Variants in ARHGAP26 observed in about 807,000 individuals in gnomAD.
ARHGAP26 encodes the protein rho GTPase-activating protein 26.
In ARHGAP26, 38 loss-of-function variants were observed where a neutral mutation model predicts 104.8. The ratio of observed to expected loss-of-function variants is 0.36; its 90% confidence interval spans 0.28 to 0.48. The LOEUF (loss-of-function observed/expected upper bound fraction) is 0.48, where lower values mean the gene tolerates loss of function less well. Among genes scored for constraint, ARHGAP26 ranks in the 20% least tolerant of loss-of-function variants. The pLI, the probability that ARHGAP26 is intolerant of heterozygous loss-of-function variation, is 0.99. For missense variants in ARHGAP26, 704 were observed against 947.9 expected, an observed-to-expected ratio of 0.74 and a Z score of 3.38; for synonymous variants, 341 against 340.0, an observed-to-expected ratio of 1.00 and a Z score of -0.03.
At chr5:142,782,037 A>G (rs541491830) in intron 1 of ARHGAP26, among the ~76,000 whole-genome samples, 3 of 152,292 alleles carry the variant, frequency 2.0e-5, no homozygotes, top group East Asian at 3.9e-4. Flanking sequence ...TTTTGAGAGT[A>G]GATGATCAGG....
chr5:143,057,877 A>G (rs1368511631), intron 17 of ARHGAP26, 130 bp downstream of exon 17: 2 of 816,804 alleles, frequency 2.4e-6, no homozygotes, highest in Non-Finnish European at 4.2e-6. Flanking sequence ...AGGCTTAGGA[A>G]AGAAATGTGT....
rs1785742144 is a variant in ARHGAP26, at chr5:143,055,927, T to TC, written c.1374-100dup. On this transcript the variant is annotated intron_variant, in intron 15 of 22. Transcript: ENST00000645722. ...TATTGTTTCCCTGTGATCTTTGTCT[T>TC]CGAGAAATGTATTACAGTTTGTCAG... 3.1e-5 allele frequency: 24 copies of TC among 766,892 alleles called. 2 individuals are homozygous for TC. In the South Asian group the frequency reaches 4.7e-4, roughly 15 times the overall value. The allele number at this position is 766,892 out of a possible 1,614,324, so 47.5% of individuals were successfully genotyped here. A position where few individuals can be genotyped will look rare whatever the true frequency, so the allele number is the denominator to read the frequency against.
At chr5:142,864,716 C>T (rs1169980168) in intron 1 of ARHGAP26, among the ~76,000 whole-genome samples, 1 of 152,236 alleles carries the variant, frequency 6.6e-6, no homozygotes, top group Admixed American at 6.5e-5. Context: ...GGGCCGGGGG[C>T]ATCCCTGTCC....
intron 15 of ARHGAP26, among the ~76,000 whole-genome samples, chr5:143,055,670 G>C (rs186690698): frequency 6.6e-6 from 1 of 152,324 alleles, no homozygotes; most frequent in African/African-American, 2.4e-5. Flanking sequence ...GGAAGATCAA[G>C]ACTTGCAAAT....
chr5:143,216,046 T>C, intron 22 of ARHGAP26: 1 of 387,228 alleles, frequency 2.6e-6, no homozygotes, highest in South Asian at 1.9e-5. Flanking sequence ...CACAAAGAAG[T>C]TGCACCATTT....
chr5:142,894,052 A>G (rs896696521), intron 5 of ARHGAP26, among the ~76,000 whole-genome samples, 186 bp from the exon 6 acceptor site: 2 of 151,642 alleles, frequency 1.3e-5, no homozygotes, highest in Admixed American at 6.6e-5. Context: ...TTTAAGTTGT[A>G]TAATATGATG....
chr5:142,889,389 G>C (rs1758170242), intron 5 of ARHGAP26, among the ~76,000 whole-genome samples: 1 of 152,222 alleles, frequency 6.6e-6, no homozygotes, highest in South Asian at 2.1e-4. Flanking sequence ...AAGGCGGGTG[G>C]ATCACTTGAG....
chr5:143,091,789 G>A (rs1159359046), intron 17 of ARHGAP26, among the ~76,000 whole-genome samples: 1 of 152,152 alleles, frequency 6.6e-6, no homozygotes, highest in African/African-American at 2.4e-5. Flanking sequence ...TTAATATCCA[G>A]TTCACGGAAA....
At chr5:143,000,657 G>T (rs920106156) in intron 11 of ARHGAP26, among the ~76,000 whole-genome samples, 2 of 152,156 alleles carry the variant, frequency 1.3e-5, no homozygotes, top group Admixed American at 1.3e-4. Context: ...GCTGGATAAA[G>T]AAAATGGGGC....
intron 1 of ARHGAP26, among the ~76,000 whole-genome samples, chr5:142,786,888 G>A (rs1478410491): frequency 1.3e-5 from 2 of 151,808 alleles, no homozygotes; most frequent in Admixed American, 1.3e-4. Flanking sequence ...CTCGTGATCT[G>A]CCCGCCTTGG....
chr5:142,821,428 G>A (rs1381865628), intron 1 of ARHGAP26, among the ~76,000 whole-genome samples: 1 of 149,958 alleles, frequency 6.7e-6, no homozygotes, highest in African/African-American at 2.5e-5. Flanking sequence ...ATACCTGCAA[G>A]TGCACTCTTA....
chr5:143,118,284 C>A (rs1795731226), intron 17 of ARHGAP26, among the ~76,000 whole-genome samples: 1 of 152,204 alleles, frequency 6.6e-6, no homozygotes, highest in Non-Finnish European at 1.5e-5. Flanking sequence ...CACATTTAAT[C>A]TGTACAACAT....
intron 17 of ARHGAP26, among the ~76,000 whole-genome samples, chr5:143,092,312 C>T (rs1001658958): frequency 3.9e-5 from 6 of 152,076 alleles, no homozygotes; most frequent in South Asian, 2.1e-4. Context: ...TACAGGCACC[C>T]GCTACCATGC....
intron 1 of ARHGAP26, among the ~76,000 whole-genome samples, chr5:142,791,800 C>G (rs758507970): frequency 7.9e-5 from 12 of 151,958 alleles, no homozygotes; most frequent in Non-Finnish European, 1.8e-4. Context: ...CCCGTCTCTA[C>G]TAAAAACACA....
chr5:143,056,857 T>C (rs977475755), intron 16 of ARHGAP26, among the ~76,000 whole-genome samples: 1 of 152,190 alleles, frequency 6.6e-6, no homozygotes, highest in Non-Finnish European at 1.5e-5. Context: ...AATGTTCTGG[T>C]GTCCTTATCT....
chr5:143,185,312 T>C (rs917976255), intron 20 of ARHGAP26, among the ~76,000 whole-genome samples: 1 of 151,802 alleles, frequency 6.6e-6, no homozygotes, highest in African/African-American at 2.4e-5. Flanking sequence ...GTAGGAGTAC[T>C]GATAAGATTG....
chr5:143,014,279 G>A, intron 12 of ARHGAP26, 163 bp downstream of exon 12: 1 of 706,958 alleles, frequency 1.4e-6, no homozygotes, highest in Non-Finnish European at 2.5e-6. Flanking sequence ...TTCCGCCAGT[G>A]ACTCCAGAGG....
intron 11 of ARHGAP26, among the ~76,000 whole-genome samples, chr5:143,002,273 T>C (rs948998560): frequency 1.3e-5 from 2 of 151,926 alleles, no homozygotes; most frequent in African/African-American, 4.8e-5. Flanking sequence ...TTTGGTGTGC[T>C]GCATACCATC....
At chr5:143,184,613 A>G (rs1002274245) in intron 20 of ARHGAP26, among the ~76,000 whole-genome samples, 1 of 152,216 alleles carries the variant, frequency 6.6e-6, no homozygotes, top group Non-Finnish European at 1.5e-5. Flanking sequence ...AAGGGAGAAC[A>G]AATCTACCCT....
Sources: allele counts gnomAD v4.1 joint callset (sites outside exome capture counted in the v4.1 genomes callset), GRCh38; gene constraint gnomAD v4.1.1; transcripts MANE v1.5; gene names NCBI Gene and HGNC (gene_info 2026-07-23, HGNC 2026-07-21).